The following NTAQ1 variants were observed in gnomAD, a reference collection of about 807,000 sequenced individuals.
NTAQ1 encodes N-terminal glutamine amidase 1.
Under a neutral mutation model 28.2 loss-of-function variants are expected in NTAQ1, and 21 were observed. The ratio of observed to expected loss-of-function variants is 0.74; its 90% CI spans 0.53 to 1.07. NTAQ1 has a LOEUF of 1.07. Among genes scored for constraint, NTAQ1 ranks in the 50% least tolerant of loss-of-function variants. NTAQ1 has a pLI of 0.00. For missense variants in NTAQ1, 264 were observed against 256.6 expected (o/e 1.03, Z -0.20); for synonymous variants, 105 against 90.0 (o/e 1.17, Z -0.94).
intron 4 of NTAQ1, 103 bp downstream of exon 4, chr8:123,436,704 C>G: frequency 2.3e-6 from 3 of 1,278,890 alleles, no homozygotes; most frequent in Non-Finnish European, 3.2e-6. Flanking sequence ...AAGATCTCGT[C>G]TGACATCACC....
the NTAQ1 span, among the ~76,000 whole-genome samples, chr8:123,475,613 A>G: frequency 1.3e-5 from 2 of 152,366 alleles, no homozygotes; most frequent in South Asian, 4.1e-4. Context: ...CACAATGAAT[A>G]CATTCAAAGG....
At position 123,423,362 on chromosome 8, in the gene NTAQ1, T is replaced by TCCTTTCCCTCCTTTTCCTC. The variant is rs892987393; in HGVS notation, c.84-4543_84-4525dup. On this transcript the variant is annotated intron_variant, in intron 1 of 5. Transcript: ENST00000287387. ...TTTTCCTTCCTTTCCCTCCTTTCCT[T>TCCTTTCCCTCCTTTTCCTC]CCTTTCCCTCCTTTTCCTCCCTTTC... Among the ~76,000 whole-genome samples the TCCTTTCCCTCCTTTTCCTC allele has an allele frequency of 9.6e-4, 104 of 107,810 alleles. 1 individual carries two copies. The highest frequency in any genetic ancestry group is 4.5e-3 in the Middle Eastern group (1 of 220). The allele number at this position is 107,810 out of a possible 152,430, so 70.7% of individuals were successfully genotyped here. A position where few individuals can be genotyped will look rare whatever the true frequency, so the allele number is the denominator to read the frequency against.
intron 3 of NTAQ1, among the ~76,000 whole-genome samples, chr8:123,433,784 C>G (rs987053629): frequency 3.3e-5 from 5 of 152,194 alleles, no homozygotes; most frequent in Non-Finnish European, 7.3e-5. Flanking sequence ...CATTTACACA[C>G]TAATGCTTCT....
At chr8:123,472,944 A>G (rs2130450515), downstream of NTAQ1, among the ~76,000 whole-genome samples, 1 of 152,194 alleles carries the variant, frequency 6.6e-6, no homozygotes, top group East Asian at 1.9e-4. Flanking sequence ...CTATTTTCTT[A>G]TCCAAGGATG....
exon 7 of NTAQ1, among the ~76,000 whole-genome samples, chr8:123,467,535 C>T (rs187244224): frequency 3.3e-5 from 5 of 152,272 alleles, no homozygotes; most frequent in Admixed American, 6.5e-5. Context: ...TTATCAATGT[C>T]TTTAAGCTTG....
chr8:123,422,563 C>T (rs919606328), intron 1 of NTAQ1, among the ~76,000 whole-genome samples: 1 of 151,240 alleles, frequency 6.6e-6, no homozygotes, highest in Non-Finnish European at 1.5e-5. Context: ...AAGCACGAGC[C>T]TCACCATGCC....
intron 6 of NTAQ1, among the ~76,000 whole-genome samples, chr8:123,453,113 C>T (rs1815551725): frequency 6.6e-6 from 1 of 152,174 alleles, no homozygotes; most frequent in African/African-American, 2.4e-5. Context: ...GTTTCTGCAG[C>T]CGTAAGTGAC....
intron 3 of NTAQ1, chr8:123,435,525 G>T (rs755380363): frequency 1.0e-6 from 1 of 985,354 alleles, no homozygotes; most frequent in Non-Finnish European, 1.2e-6. Flanking sequence ...GCATGCAAAT[G>T]TACTTCTGAA....
intron 1 of NTAQ1, among the ~76,000 whole-genome samples, chr8:123,426,718 G>A (rs931745416): frequency 7.2e-5 from 11 of 152,088 alleles, no homozygotes; most frequent in Admixed American, 3.9e-4. Flanking sequence ...CCAGCACTTT[G>A]GGAGGCTGAG....
chr8:123,421,512 C>CTTTTTT lies in NTAQ1; in HGVS notation c.83+4589_83+4594dup, dbSNP rs71310677. On this transcript the variant is annotated intron_variant, in intron 1 of 5. Coordinates refer to ENST00000287387, the MANE Select transcript of NTAQ1 (RefSeq NM_018024.3). ...TTGGCCATGTGCATGTCTCTTTTTC[C>CTTTTTT]TTTTTTTTTTTTTTGAGATGGAGTC... Among the ~76,000 whole-genome samples the CTTTTTT allele has an allele frequency of 1.5e-3, 202 of 133,882 alleles. 10 individuals are homozygous for CTTTTTT. The East Asian group carries it at 0.038, about 25-fold the overall frequency. The allele number at this position is 133,882 out of a possible 152,430, so 87.8% of individuals were successfully genotyped here. A position where few individuals can be genotyped will look rare whatever the true frequency, so the allele number is the denominator to read the frequency against.
At chr8:123,465,574 C>CT (rs71310691) in intron 6 of NTAQ1, among the ~76,000 whole-genome samples, 51,132 of 78,228 alleles carry the variant, frequency 0.65, 19,947 homozygotes, top group Non-Finnish European at 0.77. Context: ...AGCATAACAT[C>CT]TTTTTTTTTT....
chr8:123,437,374 T>C, intron 5 of NTAQ1, 40 bp downstream of exon 5: 1 of 1,610,412 alleles, frequency 6.2e-7, no homozygotes, highest in Admixed American at 1.7e-5. Context: ...TTCTGATTGA[T>C]CACATACACA....
downstream of NTAQ1, among the ~76,000 whole-genome samples, chr8:123,449,927 A>ATGTGTGTGTGTG (rs1341187426): frequency 1.0e-3 from 45 of 44,826 alleles, no homozygotes; most frequent in African/African-American, 3.0e-3. Context: ...GTGTATATAT[A>ATGTGTGTGTGTG]TATGTGTGTG....
exon 7 of NTAQ1, among the ~76,000 whole-genome samples, chr8:123,467,853 G>A (rs994887811): frequency 4.6e-5 from 7 of 152,192 alleles, no homozygotes; most frequent in East Asian, 1.9e-4. Flanking sequence ...GGGTTCAAGC[G>A]ATTCTCCTGC....
At chr8:123,462,919 G>C (rs192619835) in intron 6 of NTAQ1, among the ~76,000 whole-genome samples, 4 of 152,298 alleles carry the variant, frequency 2.6e-5, no homozygotes, top group African/African-American at 9.6e-5. Flanking sequence ...CTTTGATCAC[G>C]TTCTGTAAAA....
chr8:123,468,631 C>T (rs1416391054), exon 7 of NTAQ1, among the ~76,000 whole-genome samples: 1 of 152,172 alleles, frequency 6.6e-6, no homozygotes, highest in African/African-American at 2.4e-5. Context: ...GTTCCATCCA[C>T]CTCTTGGCTA....
chr8:123,443,670 G>C (rs1815163936), downstream of NTAQ1, among the ~76,000 whole-genome samples: 3 of 152,078 alleles, frequency 2.0e-5, no homozygotes, highest in South Asian at 6.2e-4. Flanking sequence ...CACCTCCCAG[G>C]CTCAAGCGAT....
rs1814513875 is a variant in NTAQ1, at chr8:123,433,423, T to G, written c.235-3030T>G. ...TTGGGCTCCTGTCCTCTTCCTTTCT[T>G]GGTTGGCTTTAATTTTTTATTTTTA... On this transcript the variant is annotated intron_variant, in intron 3 of 5. Coordinates refer to ENST00000287387, the MANE Select transcript of NTAQ1 (RefSeq NM_018024.3). 1.3e-5 allele frequency among the ~76,000 whole-genome samples: 2 copies of G among 152,116 alleles called. 1 individual carries two copies. The highest frequency in any genetic ancestry group is 4.1e-4 in the South Asian group (2 of 4,830).
At chr8:123,432,048 C>T (rs979407948) in intron 3 of NTAQ1, among the ~76,000 whole-genome samples, 4 of 152,112 alleles carry the variant, frequency 2.6e-5, no homozygotes, top group Admixed American at 6.6e-5. Context: ...AAGAAGTCTC[C>T]CCACACCCTC....
Sources: allele counts gnomAD v4.1 joint callset (sites outside exome capture counted in the v4.1 genomes callset), GRCh38; gene constraint gnomAD v4.1.1; transcripts MANE v1.5; gene names NCBI Gene and HGNC (gene_info 2026-07-23, HGNC 2026-07-21).